The following DMRT1 variants were observed in gnomAD, a reference collection of about 807,000 sequenced individuals.
The protein encoded by DMRT1 is doublesex- and mab-3-related transcription factor 1.
A neutral mutation model predicts 32.3 loss-of-function variants in DMRT1; 7 were observed. That is an observed-to-expected ratio of 0.22 (90% confidence interval 0.12 to 0.41). The LOEUF is 0.41. Among genes scored for constraint, DMRT1 ranks in the 10% least tolerant of loss-of-function variants. DMRT1 has a pLI of 1.00. For missense variants in DMRT1, 625 were observed against 500.5 expected (o/e 1.25, Z -2.37); for synonymous variants, 278 against 206.1 (o/e 1.35, Z -2.99).
At chr9:862,524 G>A (rs1462049974) in intron 2 of DMRT1, among the ~76,000 whole-genome samples, 1 of 151,322 alleles carries the variant, frequency 6.6e-6, no homozygotes, top group Non-Finnish European at 1.5e-5. Context: ...GGAGGGGGAG[G>A]GGGAGGGGGA....
At chr9:875,455 C>G (rs1450639431) in intron 2 of DMRT1, among the ~76,000 whole-genome samples, 1 of 152,150 alleles carries the variant, frequency 6.6e-6, no homozygotes, top group African/African-American at 2.4e-5. Flanking sequence ...TGATTACTGT[C>G]ACATAGTTTT....
rs1424213898 is a variant in DMRT1 at position 841,708 on chromosome 9, G to A, written c.-131G>A. On this transcript the variant is annotated 5_prime_UTR_variant, in exon 1 of 5. Transcript: ENST00000382276. ...GCCCAGACCTCGCCACTCCAGCTGC[G>A]CCTCCGGCTGCAGCGCACACGTCTC... is the stretch of plus-strand genomic sequence containing the variant. 2.0e-6 allele frequency: 3 copies of A among 1,531,874 alleles called. No homozygotes were observed. Among genetic ancestry groups the A allele is most frequent in the Non-Finnish European group, 2.6e-6 (3 of 1,137,834 alleles). The allele number at this position is 1,531,874 out of a possible 1,614,324, so 94.9% of individuals were successfully genotyped here.
chr9:909,170 G>A (rs1435518050), intron 3 of DMRT1, among the ~76,000 whole-genome samples: 1 of 152,140 alleles, frequency 6.6e-6, no homozygotes, highest in African/African-American at 2.4e-5. Context: ...CATCTTCAGA[G>A]CTCTGGACAC....
intron 2 of DMRT1, among the ~76,000 whole-genome samples, chr9:871,721 G>A (rs1042085538): frequency 1.1e-4 from 16 of 149,114 alleles, no homozygotes; most frequent in Non-Finnish European, 2.4e-4. Flanking sequence ...TGATTCGCCC[G>A]CCTCGGCCTC....
chr9:939,378 C>T (rs1318274144), intron 4 of DMRT1, among the ~76,000 whole-genome samples: 2 of 152,186 alleles, frequency 1.3e-5, no homozygotes, highest in Admixed American at 1.3e-4. Flanking sequence ...CCCTCATTCA[C>T]CAAGTCTTCT....
chr9:909,321 T>C (rs2129727432), intron 3 of DMRT1, among the ~76,000 whole-genome samples: 1 of 152,244 alleles, frequency 6.6e-6, no homozygotes, highest in South Asian at 2.1e-4. Flanking sequence ...TATTAAAATT[T>C]TTTTCTCAGC....
chr9:885,565 T>C (rs1244446386), intron 2 of DMRT1, among the ~76,000 whole-genome samples: 2 of 152,320 alleles, frequency 1.3e-5, no homozygotes, highest in East Asian at 3.9e-4. Context: ...GCTCTCGACG[T>C]TGAGCTGCTT....
At chr9:912,665 A>T (rs1286874177) in intron 3 of DMRT1, among the ~76,000 whole-genome samples, 2 of 152,200 alleles carry the variant, frequency 1.3e-5, no homozygotes, top group Non-Finnish European at 2.9e-5. Context: ...AGCGTTAGCC[A>T]GTCTATTTGT....
chr9:889,580 G>T (rs1311981531), intron 2 of DMRT1, among the ~76,000 whole-genome samples: 1 of 152,182 alleles, frequency 6.6e-6, no homozygotes, highest in Non-Finnish European at 1.5e-5. Flanking sequence ...GGTTTACTAT[G>T]CAGTTTATTG....
Position 841,953 on chromosome 9 carries a change from G to A in DMRT1, c.115G>A (p.Val39Met), listed in dbSNP as rs779173960. 1.3e-6 allele frequency: 2 copies of A among 1,598,170 alleles called. No individual in the cohort carries two copies. Among genetic ancestry groups the A allele is most frequent in the Non-Finnish European group, 1.7e-6 (2 of 1,173,030 alleles). The stretch of plus-strand genomic sequence containing the variant: ...CTTTGGCAAAGCGTCTGGGGCGCTA[G>A]TGGGGGCGGCCAGCGGCTCGAGCGC... ...GGFGKASGAL[V>M]GAASGSSAGG... The change falls in exon 1 of 5, where the codon GTG (valine) becomes ATG (methionine). Residue 39 changes from valine (V) to methionine (M), a missense_variant. By Grantham distance (21) the Val-to-Met change is conservative (BLOSUM62 1). Transcript: ENST00000382276.
intron 2 of DMRT1, among the ~76,000 whole-genome samples, chr9:892,650 T>TG (rs1817196498): frequency 6.6e-6 from 1 of 152,146 alleles, no homozygotes; most frequent in Non-Finnish European, 1.5e-5. Context: ...CTCCTTCACT[T>TG]GCCCTAAGCA....
chr9:874,409 G>C (rs536053416), intron 2 of DMRT1, among the ~76,000 whole-genome samples: 1 of 152,118 alleles, frequency 6.6e-6, no homozygotes, highest in East Asian at 1.9e-4. Context: ...CCCCTTCATT[G>C]TCATTTTCAG....
intron 3 of DMRT1, among the ~76,000 whole-genome samples, chr9:900,479 G>T (rs1245502475): frequency 6.6e-6 from 1 of 152,114 alleles, no homozygotes; most frequent in Non-Finnish European, 1.5e-5. Flanking sequence ...TCTGCTGTGT[G>T]GGGGTGGCCA....
At chr9:948,003 A>G (rs933155456) in intron 4 of DMRT1, among the ~76,000 whole-genome samples, 3 of 152,194 alleles carry the variant, frequency 2.0e-5, no homozygotes, top group Non-Finnish European at 4.4e-5. Flanking sequence ...GCTGGAGCTC[A>G]CTGGGGTGAA....
chr9:929,453 G>A (rs1299103691), intron 4 of DMRT1, among the ~76,000 whole-genome samples: 3 of 152,038 alleles, frequency 2.0e-5, no homozygotes, highest in African/African-American at 7.2e-5. Flanking sequence ...TGCTTGGAAA[G>A]CTCTTATTTT....
chr9:952,830 C>G (rs924010039), intron 4 of DMRT1, among the ~76,000 whole-genome samples: 6 of 152,158 alleles, frequency 3.9e-5, no homozygotes, highest in Admixed American at 1.3e-4. Flanking sequence ...ATACTTTCAA[C>G]AGTAACATTA....
At chr9:851,049 A>T (rs1839127681) in intron 2 of DMRT1, among the ~76,000 whole-genome samples, 2 of 147,840 alleles carry the variant, frequency 1.4e-5, no homozygotes, top group Admixed American at 6.8e-5. Context: ...AAAAAAAGAA[A>T]GAAAAATAGA....
intron 4 of DMRT1, among the ~76,000 whole-genome samples, chr9:919,133 C>G (rs974249319): frequency 6.6e-6 from 1 of 152,098 alleles, no homozygotes; most frequent in East Asian, 1.9e-4. Context: ...TGTGGCAGAT[C>G]CGTCAAGTCT....
chr9:959,505 TTTA>T (rs1345699892), intron 4 of DMRT1, among the ~76,000 whole-genome samples: 1 of 152,128 alleles, frequency 6.6e-6, no homozygotes, highest in South Asian at 2.1e-4. Flanking sequence ...TTAAACTGGT[TTTA>T]TTGTTGTTGT....
Sources: allele counts gnomAD v4.1 joint callset (sites outside exome capture counted in the v4.1 genomes callset), GRCh38; gene constraint gnomAD v4.1.1; transcripts MANE v1.5; gene names NCBI Gene and HGNC (gene_info 2026-07-23, HGNC 2026-07-21).